PLAC1: variants seen among roughly 807,000 people sequenced by gnomAD.
PLAC1 encodes placenta associated 1.
For missense variants in PLAC1, 136 were observed against 163.2 expected, an observed-to-expected ratio of 0.83 and a Z score of 0.91; for synonymous variants, 68 against 62.1, an observed-to-expected ratio of 1.09 and a Z score of -0.44.
intron 2 of PLAC1, among the ~76,000 whole-genome samples, chrX:134,672,941 G>A (rs1191193172): frequency 8.9e-6 from 1 of 112,373 alleles, no homozygotes; most frequent in Non-Finnish European, 1.9e-5. Flanking sequence ...GACTTACTGA[G>A]TACTTTGTCA....
chrX:134,670,646 A>G (rs775368591), intron 2 of PLAC1, among the ~76,000 whole-genome samples: 1 of 111,634 alleles, frequency 9.0e-6, no homozygotes, highest in Non-Finnish European at 1.9e-5. Context: ...GCCTCCATGG[A>G]ACACAGAATG....
chrX:134,707,860 T>TA (rs767282997), intron 2 of PLAC1, among the ~76,000 whole-genome samples: 1 of 111,577 alleles, frequency 9.0e-6, no homozygotes, highest in South Asian at 3.7e-4. Context: ...CTGGAGAAAG[T>TA]AAAGGAATAA....
chrX:134,589,966 T>C lies in PLAC1; in HGVS notation c.-59+12085A>G, dbSNP rs911953861. 3.7e-4 allele frequency among the ~76,000 whole-genome samples: 41 copies of C among 109,666 alleles called. 1 individual carries two copies. The highest frequency in any genetic ancestry group is 2.6e-3 in the East Asian group (9 of 3,451). On this transcript the variant is annotated intron_variant, in intron 2 of 2. Transcript: ENST00000359237. ...ATCCCAGCACTTTGGGAGGCCAAGG[T>C]GGGCGGATCACAAGGTCAGGAGATC...
intron 2 of PLAC1, among the ~76,000 whole-genome samples, chrX:134,594,336 G>A (rs1281590809): frequency 9.0e-6 from 1 of 111,438 alleles, no homozygotes; most frequent in Non-Finnish European, 1.9e-5. Context: ...TTACATTCAT[G>A]AGTGATATTG....
chrX:134,572,770 T>A (rs1205139279), intron 2 of PLAC1, among the ~76,000 whole-genome samples: 2 of 110,945 alleles, frequency 1.8e-5, no homozygotes, highest in African/African-American at 6.6e-5. Context: ...GGGGAAAGTA[T>A]ATGTCCACAT....
intron 1 of PLAC1, among the ~76,000 whole-genome samples, chrX:134,654,799 A>G (rs2078381329): frequency 8.9e-6 from 1 of 112,422 alleles, no homozygotes; most frequent in Non-Finnish European, 1.9e-5. Flanking sequence ...TGTGGGGCCA[A>G]CTCTCACAAT....
intron 1 of PLAC1, among the ~76,000 whole-genome samples, chrX:134,639,695 A>T (rs1365358179): frequency 8.9e-6 from 1 of 112,077 alleles, no homozygotes; most frequent in East Asian, 2.8e-4. Context: ...CATTTCCATC[A>T]TTCCAAAGTA....
intron 1 of PLAC1, among the ~76,000 whole-genome samples, chrX:134,758,744 A>G (rs2078762915): frequency 8.9e-6 from 1 of 112,374 alleles, no homozygotes; most frequent in Non-Finnish European, 1.9e-5. Context: ...TTTATGACTA[A>G]GACCTCAAAA....
At chrX:134,628,292 G>A (rs2078245323) in intron 1 of PLAC1, among the ~76,000 whole-genome samples, 1 of 111,811 alleles carries the variant, frequency 8.9e-6, no homozygotes, top group African/African-American at 3.3e-5. Context: ...TTTTCAGTCT[G>A]TTTTTCCTGA....
chrX:134,682,078 C>T (rs2078499271), intron 2 of PLAC1, among the ~76,000 whole-genome samples: 1 of 111,771 alleles, frequency 8.9e-6, no homozygotes, highest in Admixed American at 9.5e-5. Flanking sequence ...AAAATTGAGC[C>T]GATACCACCA....
At chrX:134,677,124 A>G (rs1022277383) in intron 2 of PLAC1, among the ~76,000 whole-genome samples, 2 of 111,732 alleles carry the variant, frequency 1.8e-5, no homozygotes, top group Non-Finnish European at 3.8e-5. Context: ...CCCTGGAAAT[A>G]TGGATTGTTT....
At chrX:134,696,495 A>G (rs1167544837) in intron 2 of PLAC1, among the ~76,000 whole-genome samples, 1 of 112,130 alleles carries the variant, frequency 8.9e-6, no homozygotes. Flanking sequence ...TTCTTCATAC[A>G]GAAGACTGCC....
chrX:134,649,526 C>T (rs1396081515), intron 1 of PLAC1, among the ~76,000 whole-genome samples: 2 of 110,682 alleles, frequency 1.8e-5, no homozygotes, highest in East Asian at 2.9e-4. Context: ...ACCAGCATTC[C>T]CCTCCCTGCT....
intron 1 of PLAC1, among the ~76,000 whole-genome samples, chrX:134,646,940 C>T (rs2078336474): frequency 8.9e-6 from 1 of 111,825 alleles, no homozygotes; most frequent in Non-Finnish European, 1.9e-5. Flanking sequence ...AAGCTGGCCT[C>T]AACTGGACAG....
intron 2 of PLAC1, among the ~76,000 whole-genome samples, chrX:134,708,608 C>T (rs1339658319): frequency 9.8e-6 from 1 of 101,756 alleles, no homozygotes; most frequent in Non-Finnish European, 2.0e-5. Flanking sequence ...GGCACAATCT[C>T]GGCTCACCAC....
At chrX:134,750,568 T>C (rs1267835889) in intron 1 of PLAC1, among the ~76,000 whole-genome samples, 6 of 107,287 alleles carry the variant, frequency 5.6e-5, no homozygotes, top group East Asian at 5.8e-4. Context: ...CTAGAATTCA[T>C]CTCTTCCCAT....
At chrX:134,630,984 C>T (rs972452499) in intron 1 of PLAC1, among the ~76,000 whole-genome samples, 1 of 111,266 alleles carries the variant, frequency 9.0e-6, no homozygotes, top group East Asian at 2.8e-4. Context: ...TGTATGATTC[C>T]GTTTGTATGA....
intron 1 of PLAC1, among the ~76,000 whole-genome samples, chrX:134,735,126 G>A (rs979507522): frequency 9.0e-6 from 1 of 111,635 alleles, no homozygotes; most frequent in African/African-American, 3.3e-5. Flanking sequence ...TTCGCACTAA[G>A]AACTTTTGTT....
intron 1 of PLAC1, among the ~76,000 whole-genome samples, chrX:134,610,233 C>T (rs763824083): frequency 9.0e-6 from 1 of 111,542 alleles, no homozygotes; most frequent in South Asian, 3.8e-4. Flanking sequence ...GCCTTGGCCT[C>T]CCAAAGTGCT....
Sources: gnomAD v4.1 joint callset for allele counts (sites outside exome capture counted in the v4.1 genomes callset) on GRCh38, gnomAD v4.1.1 for gene constraint, MANE v1.5 for transcripts, NCBI Gene and HGNC (gene_info 2026-07-23, HGNC 2026-07-21) for gene names.